The following INPP4B variants were observed in gnomAD, a reference collection of about 807,000 sequenced individuals.
INPP4B encodes inositol polyphosphate-4-phosphatase type II B.
A neutral mutation model predicts 122.5 loss-of-function variants in INPP4B; 55 were observed. The observed-to-expected ratio is 0.45, with a 90% confidence interval of 0.36 to 0.56. The LOEUF is 0.56. INPP4B is among the 20% of genes least tolerant of loss of function. INPP4B has a pLI of 0.00. For missense variants in INPP4B, 1,000 were observed against 1,097.7 expected (o/e 0.91, Z 1.26); for synonymous variants, 403 against 388.7 (o/e 1.04, Z -0.43).
intron 11 of INPP4B, among the ~76,000 whole-genome samples, chr4:142,246,844 G>T (rs1278181483): frequency 6.6e-6 from 1 of 152,136 alleles, no homozygotes; most frequent in Non-Finnish European, 1.5e-5. Context: ...TTGAATAGGA[G>T]GGGTGAGAGA....
chr4:142,694,038 A>T (rs1314581337), intron 2 of INPP4B, among the ~76,000 whole-genome samples: 1 of 152,082 alleles, frequency 6.6e-6, no homozygotes, highest in African/African-American at 2.4e-5. Context: ...TTTAAAGAAA[A>T]AGTAAGTGCT....
intron 1 of INPP4B, among the ~76,000 whole-genome samples, chr4:142,792,494 T>C (rs1434110105): frequency 6.6e-6 from 1 of 152,080 alleles, no homozygotes; most frequent in Non-Finnish European, 1.5e-5. Context: ...TGTATGATTT[T>C]CCATCATATG....
At chr4:142,465,483 C>T (rs1817595890) in intron 2 of INPP4B, among the ~76,000 whole-genome samples, 2 of 152,152 alleles carry the variant, frequency 1.3e-5, no homozygotes, top group South Asian at 4.1e-4. Context: ...AATTTCTATG[C>T]TAACTTCTGG....
At chr4:142,686,321 C>A (rs770173572) in intron 2 of INPP4B, among the ~76,000 whole-genome samples, 1 of 152,090 alleles carries the variant, frequency 6.6e-6, no homozygotes, top group Non-Finnish European at 1.5e-5. Flanking sequence ...ATTCTAATAA[C>A]CTTTGCTGCC....
intron 8 of INPP4B, among the ~76,000 whole-genome samples, chr4:142,312,040 T>C (rs1202806736): frequency 1.3e-5 from 2 of 152,186 alleles, no homozygotes; most frequent in African/African-American, 2.4e-5. Context: ...TCACGTTACT[T>C]GCCTTAGGGT....
intron 11 of INPP4B, among the ~76,000 whole-genome samples, chr4:142,253,980 G>A (rs1016947199): frequency 6.6e-6 from 1 of 152,146 alleles, no homozygotes; most frequent in Non-Finnish European, 1.5e-5. Context: ...AGAGAGCAGT[G>A]GTTCTCCCAG....
intron 3 of INPP4B, among the ~76,000 whole-genome samples, chr4:142,432,483 A>C (rs994266123): frequency 6.6e-6 from 1 of 152,160 alleles, no homozygotes; most frequent in Non-Finnish European, 1.5e-5. Flanking sequence ...ACAATCAAGA[A>C]TATTTCTGGG....
chr4:142,237,849 G>A lies in INPP4B; in HGVS notation c.836+15C>T, dbSNP rs1243349801. ...AAAATAATTAATATGAGAGAAAATA[G>A]TTATTTTCTCTTACCTGCACAAATC... is the stretch of plus-strand genomic sequence containing the variant. On this transcript the variant is annotated intron_variant, in intron 12 of 25. Coordinates refer to ENST00000262992, the MANE Select transcript of INPP4B (RefSeq NM_001101669.3). 2.8e-6 allele frequency: 4 copies of A among 1,434,096 alleles called. No individual in the cohort carries two copies. Among genetic ancestry groups the A allele is most frequent in the Non-Finnish European group, 3.8e-6 (4 of 1,045,318 alleles). The allele number at this position is 1,434,096 out of a possible 1,614,324, so 88.8% of individuals were successfully genotyped here.
At chr4:142,497,202 G>A (rs372122233) in intron 2 of INPP4B, among the ~76,000 whole-genome samples, 3 of 151,996 alleles carry the variant, frequency 2.0e-5, no homozygotes, top group East Asian at 1.9e-4. Flanking sequence ...TATTAGCCAC[G>A]TCACATCCCA....
At chr4:142,586,167 G>A (rs977178537) in intron 2 of INPP4B, among the ~76,000 whole-genome samples, 1 of 151,828 alleles carries the variant, frequency 6.6e-6, no homozygotes, top group Non-Finnish European at 1.5e-5. Flanking sequence ...AAAATTAGCT[G>A]GGCATAATGG....
intron 1 of INPP4B, among the ~76,000 whole-genome samples, chr4:142,730,509 T>C (rs1018029006): frequency 1.3e-5 from 2 of 152,196 alleles, no homozygotes; most frequent in African/African-American, 4.8e-5. Flanking sequence ...GGTCTATTCC[T>C]TCTACTTGTG....
At chr4:142,645,161 T>C (rs547280936) in intron 2 of INPP4B, among the ~76,000 whole-genome samples, 9 of 152,270 alleles carry the variant, frequency 5.9e-5, no homozygotes, top group African/African-American at 2.2e-4. Context: ...ATACAAAAAG[T>C]AAGGACATTT....
intron 2 of INPP4B, among the ~76,000 whole-genome samples, chr4:142,489,463 G>A (rs1173168518): frequency 2.6e-5 from 4 of 152,040 alleles, no homozygotes; most frequent in African/African-American, 4.8e-5. Context: ...GCACAATCTC[G>A]GCTCACTGCA....
At chr4:142,398,445 T>TATATAAAA (rs749321202) in intron 7 of INPP4B, among the ~76,000 whole-genome samples, 5 of 74,564 alleles carry the variant, frequency 6.7e-5, no homozygotes, top group African/African-American at 3.6e-4. Flanking sequence ...TATATATATA[T>TATATAAAA]AAAACATATT....
At chr4:142,240,856 A>G (rs1859018496) in intron 11 of INPP4B, among the ~76,000 whole-genome samples, 1 of 152,180 alleles carries the variant, frequency 6.6e-6, no homozygotes, top group Non-Finnish European at 1.5e-5. Flanking sequence ...GGTTACAAAA[A>G]GAGCAAATAA....
intron 7 of INPP4B, among the ~76,000 whole-genome samples, chr4:142,374,676 C>A (rs756862873): frequency 2.0e-4 from 30 of 151,792 alleles, no homozygotes; most frequent in Non-Finnish European, 3.8e-4. Flanking sequence ...ACACTAATTT[C>A]TTCATGCTTC....
intron 1 of INPP4B, among the ~76,000 whole-genome samples, chr4:142,819,716 G>A (rs1444289426): frequency 6.6e-6 from 1 of 152,062 alleles, no homozygotes; most frequent in Non-Finnish European, 1.5e-5. Flanking sequence ...TTGATGTCCT[G>A]TCCAGATCTT....
At chr4:142,234,892 CAA>C (rs1856027425) in intron 12 of INPP4B, among the ~76,000 whole-genome samples, 1 of 151,684 alleles carries the variant, frequency 6.6e-6, no homozygotes, top group Non-Finnish European at 1.5e-5. Context: ...ACGGAAATAA[CAA>C]AAGAGATACA....
Position 142,152,066 on chromosome 4 carries a change from C to CTTTTTTTTTTTTTTTTTTTT in INPP4B, c.1564-6090_1564-6071dup, listed in dbSNP as rs572092121. 4.3e-4 allele frequency among the ~76,000 whole-genome samples: 30 copies of CTTTTTTTTTTTTTTTTTTTT among 69,950 alleles called. 6 individuals carry two copies. Among genetic ancestry groups the CTTTTTTTTTTTTTTTTTTTT allele is most frequent in the African/African-American group, 1.7e-3 (30 of 18,000 alleles). The allele number at this position is 69,950 out of a possible 152,430, so 45.9% of individuals were successfully genotyped here. A position where few individuals can be genotyped will look rare whatever the true frequency, so the allele number is the denominator to read the frequency against. ...TGCCTAACATGCTTTTTTGTCTTTT[C>CTTTTTTTTTTTTTTTTTTTT]TTTTTTTTTTTTTTTTTTTTTTTTT... is the stretch of plus-strand genomic sequence containing the variant. On this transcript the variant is annotated intron_variant, in intron 17 of 25. Transcript: ENST00000262992.
Sources: allele counts gnomAD v4.1 joint callset (sites outside exome capture counted in the v4.1 genomes callset), GRCh38; gene constraint gnomAD v4.1.1; transcripts MANE v1.5; gene names NCBI Gene and HGNC (gene_info 2026-07-23, HGNC 2026-07-21).